The following RPS6KC1 variants were observed in gnomAD, a reference collection of about 807,000 sequenced individuals.
RPS6KC1 encodes the protein inactive ribosomal protein S6 kinase delta-1.
A neutral mutation model predicts 103.8 loss-of-function variants in RPS6KC1; 54 were observed. The ratio of observed to expected loss-of-function variants is 0.52; its 90% CI spans 0.42 to 0.65. The LOEUF (loss-of-function observed/expected upper bound fraction) is 0.65, where lower values mean the gene tolerates loss of function less well. Ranked by LOEUF, RPS6KC1 falls within the 30% of genes least tolerant of loss-of-function variation. The pLI is 0.00. For synonymous variants in RPS6KC1, 439 were observed against 438.7 expected, an observed-to-expected ratio of 1.00 and a Z score of -0.01; for missense variants, 1,151 against 1,253.8, an observed-to-expected ratio of 0.92 and a Z score of 1.24.
intron 8 of RPS6KC1, among the ~76,000 whole-genome samples, chr1:213,208,370 TG>T (rs1434723811): frequency 6.6e-6 from 1 of 152,238 alleles, no homozygotes; most frequent in Admixed American, 6.5e-5. Flanking sequence ...ATTCTTTGTA[TG>T]TGACTTGTTT....
chr1:213,363,706 CTTT>C, the RPS6KC1 span, among the ~76,000 whole-genome samples: 5 of 101,696 alleles, frequency 4.9e-5, no homozygotes, highest in African/African-American at 2.6e-4. Flanking sequence ...TTCTTTCCTT[CTTT>C]CTTTCTTTCT....
chr1:213,810,305 G>C, the RPS6KC1 span, among the ~76,000 whole-genome samples: 1 of 152,300 alleles, frequency 6.6e-6, no homozygotes, highest in South Asian at 2.1e-4. Context: ...AAGAAGACTA[G>C]TTCCTGGGAA....
At chr1:213,134,263 A>G (rs948490502) in intron 6 of RPS6KC1, among the ~76,000 whole-genome samples, 1 of 151,934 alleles carries the variant, frequency 6.6e-6, no homozygotes, top group African/African-American at 2.4e-5. Context: ...TGTTGATGCC[A>G]CACTTAAAAA....
intron 9 of RPS6KC1, 84 bp downstream of exon 9, chr1:213,230,628 A>G: frequency 1.1e-6 from 1 of 925,502 alleles, no homozygotes; most frequent in South Asian, 1.7e-5. Flanking sequence ...TAAGGTCAGG[A>G]GTTCGAGACT....
At chr1:213,674,176 G>C in the RPS6KC1 span, among the ~76,000 whole-genome samples, 2 of 152,062 alleles carry the variant, frequency 1.3e-5, no homozygotes, top group African/African-American at 4.8e-5. Flanking sequence ...ATGCCACCAC[G>C]CCTGGCTACT....
Position 213,242,191 on chromosome 1 carries a change from C to T in RPS6KC1, c.2715C>T (p.Cys905=). ...CCAGGTTTTACATCCCAGAGGGCTGCATTCAAAGATGGGCAGCTGAAATGG... is the reference window on the plus strand; with the variant it reads ...CCAGGTTTTACATCCCAGAGGGCTGTATTCAAAGATGGGCAGCTGAAATGG... The part of the protein sequence containing the change: ...LASRFYIPEG[C]IQRWAAEMVV... The change falls in exon 11 of 15, where the codon TGC becomes TGT. Residue 905 remains cysteine, a synonymous_variant. Coordinates refer to ENST00000366960, the MANE Select transcript of RPS6KC1 (RefSeq NM_012424.6). 6.2e-7 allele frequency: 1 copy of T among 1,613,966 alleles called. No homozygotes were observed. The highest frequency in any genetic ancestry group is 8.5e-7 in the Non-Finnish European group (1 of 1,179,900).
the RPS6KC1 span, among the ~76,000 whole-genome samples, chr1:213,567,925 T>A: frequency 6.6e-6 from 1 of 152,214 alleles, no homozygotes; most frequent in Admixed American, 6.5e-5. Flanking sequence ...CTGTAATAAC[T>A]TTATTTCTGG....
chr1:213,284,006 GAAT>G, the RPS6KC1 span, among the ~76,000 whole-genome samples: 1 of 151,992 alleles, frequency 6.6e-6, no homozygotes, highest in Non-Finnish European at 1.5e-5. Flanking sequence ...AATAGGAACA[GAAT>G]AATACCTTTA....
chr1:213,131,542 C>T (rs1218585189), intron 6 of RPS6KC1, among the ~76,000 whole-genome samples: 2 of 151,950 alleles, frequency 1.3e-5, no homozygotes, highest in Non-Finnish European at 2.9e-5. Context: ...CTCCGGGGTT[C>T]AAGTGATTCT....
the RPS6KC1 span, among the ~76,000 whole-genome samples, chr1:213,612,549 T>C: frequency 6.6e-6 from 1 of 152,226 alleles, no homozygotes; most frequent in Non-Finnish European, 1.5e-5. Flanking sequence ...ACATAAAAGG[T>C]AATTGAGAAA....
At chr1:213,162,124 C>A (rs2090530029) in intron 6 of RPS6KC1, among the ~76,000 whole-genome samples, 1 of 152,078 alleles carries the variant, frequency 6.6e-6, no homozygotes, top group Non-Finnish European at 1.5e-5. Context: ...CGTTTGGTGT[C>A]TGTCATTAGA....
intron 5 of RPS6KC1, among the ~76,000 whole-genome samples, chr1:213,118,048 C>G (rs553019243): frequency 2.2e-4 from 12 of 53,412 alleles, no homozygotes; most frequent in South Asian, 5.5e-4. Context: ...AAGCCTTACT[C>G]ATTTCTTTAG....
the RPS6KC1 span, among the ~76,000 whole-genome samples, chr1:213,525,296 AAG>A: frequency 6.6e-6 from 1 of 152,178 alleles, no homozygotes; most frequent in African/African-American, 2.4e-5. Flanking sequence ...GTGTAAGAGA[AAG>A]AGAGGAATTA....
chr1:213,695,600 CT>C, the RPS6KC1 span, among the ~76,000 whole-genome samples: 1 of 152,212 alleles, frequency 6.6e-6, no homozygotes, highest in East Asian at 1.9e-4. Context: ...TTTATCTTCC[CT>C]TTTCTTGATG....
the RPS6KC1 span, among the ~76,000 whole-genome samples, chr1:213,833,607 T>C: frequency 3.9e-5 from 6 of 152,180 alleles, no homozygotes; most frequent in African/African-American, 1.2e-4. Context: ...AGGGTCTTTG[T>C]ATTTCAGAGG....
At chr1:213,589,346 G>T in the RPS6KC1 span, among the ~76,000 whole-genome samples, 4 of 152,130 alleles carry the variant, frequency 2.6e-5, no homozygotes, top group African/African-American at 9.7e-5. Context: ...CAAAGACCTT[G>T]CTTAAGAATG....
At chr1:213,108,059 C>G (rs2082664178) in intron 4 of RPS6KC1, among the ~76,000 whole-genome samples, 1 of 151,910 alleles carries the variant, frequency 6.6e-6, no homozygotes. Context: ...CAGTCTGTAG[C>G]CTTTTAGTTT....
chr1:213,497,465 T>A, the RPS6KC1 span, among the ~76,000 whole-genome samples: 2 of 151,820 alleles, frequency 1.3e-5, no homozygotes, highest in East Asian at 3.9e-4. Context: ...AACAACACAG[T>A]CTCCCTTAAT....
chr1:213,520,832 A>G, the RPS6KC1 span, among the ~76,000 whole-genome samples: 2 of 152,224 alleles, frequency 1.3e-5, no homozygotes, highest in African/African-American at 4.8e-5. Context: ...AACAAAATAT[A>G]ACAAACATTT....
Sources: allele counts gnomAD v4.1 joint callset (sites outside exome capture counted in the v4.1 genomes callset), GRCh38; gene constraint gnomAD v4.1.1; transcripts MANE v1.5; gene names NCBI Gene and HGNC (gene_info 2026-07-23, HGNC 2026-07-21).